The following CLCN1 variants were observed in gnomAD, a reference collection of about 807,000 sequenced individuals.
The protein encoded by CLCN1 is chloride channel protein 1.
In CLCN1, 100 loss-of-function variants were observed where a neutral mutation model predicts 114.5. The ratio of observed to expected loss-of-function variants is 0.87; its 90% CI spans 0.74 to 1.03. The LOEUF (loss-of-function observed/expected upper bound fraction) is 1.03, where lower values mean the gene tolerates loss of function less well. CLCN1 is among the 50% of genes least tolerant of loss of function. The pLI is 0.00. For missense variants in CLCN1, 1,188 were observed against 1,250.0 expected, an observed-to-expected ratio of 0.95 and a Z score of 0.75; for synonymous variants, 485 against 487.1, an observed-to-expected ratio of 1.00 and a Z score of 0.06.
chr7:143,346,862 C>T (rs747769225), intron 19 of CLCN1, 49 bp from the exon 20 acceptor site: 1 of 1,573,244 alleles, frequency 6.4e-7, no homozygotes, highest in East Asian at 2.2e-5. Context: ...GCCATAGCTA[C>T]CATGGGAAGA....
intron 3 of CLCN1, 101 bp downstream of exon 3, chr7:143,320,896 TG>T (rs1384939283): frequency 7.1e-6 from 10 of 1,416,990 alleles, no homozygotes; most frequent in Non-Finnish European, 1.0e-5. Flanking sequence ...GGGTGTGTTA[TG>T]GGAAGCGAAT....
intron 16 of CLCN1, 37 bp downstream of exon 16, chr7:143,342,542 G>C (rs1173006252): frequency 6.2e-7 from 1 of 1,612,208 alleles, no homozygotes; most frequent in Non-Finnish European, 8.5e-7. Flanking sequence ...CAGAGCTAGT[G>C]ACCTGAATAA....
At chr7:143,335,685 A>C (rs1191377414) in intron 12 of CLCN1, among the ~76,000 whole-genome samples, 1 of 106,506 alleles carries the variant, frequency 9.4e-6, no homozygotes, top group Non-Finnish European at 1.8e-5. Context: ...TTTGATTCGG[A>C]ATCTCACTCT....
rs202217274 is a variant in CLCN1 at position 143,339,224 on chromosome 7, G to A, written c.1402-29G>A. Reference sequence around the variant, plus strand: ...GCATGTCTATTGGGCAGAGTTGAAAGGGTATTCCAACGCTTCTTTCTACTC... The same window carrying A: ...GCATGTCTATTGGGCAGAGTTGAAAAGGTATTCCAACGCTTCTTTCTACTC... On this transcript the variant is annotated intron_variant, in intron 12 of 22. Transcript: ENST00000343257. This position sits in a 1 kb window ranked among gnomAD's most constrained non-coding sequence, Gnocchi z 4.1. The A allele has an allele frequency of 6.9e-7, 1 of 1,444,934 alleles. No homozygotes were observed. Among genetic ancestry groups the A allele is most frequent in the Non-Finnish European group, 9.7e-7 (1 of 1,026,300 alleles). 89.5% of individuals were successfully genotyped at this position (1,444,934 alleles called of 1,614,324 possible). A position where few individuals can be genotyped will look rare whatever the true frequency, so the allele number is the denominator to read the frequency against.
chr7:143,334,090 G>A (rs559449403), intron 12 of CLCN1, among the ~76,000 whole-genome samples: 9 of 152,268 alleles, frequency 5.9e-5, no homozygotes, highest in African/African-American at 1.9e-4. Flanking sequence ...GCACATGCCT[G>A]TAATCCCAGT....
At chr7:143,320,887 G>T (rs1398210562) in intron 3 of CLCN1, 92 bp downstream of exon 3, 15 of 1,459,786 alleles carry the variant, frequency 1.0e-5, no homozygotes, top group South Asian at 2.3e-5. Context: ...TGTTAAGCAG[G>T]GTGTGTTATG....
intron 6 of CLCN1, chr7:143,323,997 CTG>C (rs1253067070): frequency 4.0e-5 from 16 of 399,562 alleles, no homozygotes; most frequent in Admixed American, 2.7e-4. Flanking sequence ...CAGGGAATGA[CTG>C]TGGATCACAG....
In CLCN1 at chr7:143,350,663, G is replaced by A. The variant is rs765955881; in HGVS notation, c.2595+9G>A. ...TCCTGGCCCTGGAGGAGGTAATCACGATGTGTCCCATTTGAGCAGCAGGAG... is the reference window on the plus strand; with the variant it reads ...TCCTGGCCCTGGAGGAGGTAATCACAATGTGTCCCATTTGAGCAGCAGGAG... On this transcript the variant is annotated intron_variant, in intron 22 of 22. Transcript: ENST00000343257. The surrounding 1 kb of genome is among the most constrained non-coding windows in gnomAD (Gnocchi z 5.1). 2.5e-6 allele frequency: 4 copies of A among 1,609,544 alleles called. No individual in the cohort carries two copies. Among genetic ancestry groups the A allele is most frequent in the South Asian group, 1.1e-5 (1 of 90,970 alleles).
At chr7:143,331,881 T>G (rs1006103155) in intron 10 of CLCN1, among the ~76,000 whole-genome samples, 1 of 152,200 alleles carries the variant, frequency 6.6e-6, no homozygotes, top group East Asian at 1.9e-4. Context: ...CAGGCTGGAG[T>G]GCAGTGGTGC....
chr7:143,325,374 T>A (rs2116844137), intron 7 of CLCN1, among the ~76,000 whole-genome samples: 1 of 152,340 alleles, frequency 6.6e-6, no homozygotes, highest in Non-Finnish European at 1.5e-5. Context: ...CTAAAATGAC[T>A]TGGTGCAGGA....
chr7:143,321,768 T>C lies in CLCN1; in HGVS notation c.616T>C (p.Tyr206His), dbSNP rs963470037. The C allele has an allele frequency of 4.3e-6, 7 of 1,614,078 alleles. No homozygotes were observed. In the African/African-American group the frequency reaches 9.3e-5, roughly 22 times the overall value. ...ACTTCGTGGGGTTGTCCTGAAGGAA[T>C]ACCTCACAATGAAAGCCTTTGTGGC... ...TILRGVVLKE[Y>H]LTMKAFVAKV... Residue 206 changes from tyrosine (Y) to histidine (H), a missense_variant, in exon 5 of 23, where the codon TAC becomes CAC. Coordinates refer to ENST00000343257, the MANE Select transcript of CLCN1 (RefSeq NM_000083.3). The surrounding 1 kb of genome is among the most constrained non-coding windows in gnomAD (Gnocchi z 4.2).
intron 20 of CLCN1, among the ~76,000 whole-genome samples, chr7:143,347,413 G>A (rs1026285593): frequency 2.6e-5 from 4 of 152,058 alleles, no homozygotes; most frequent in African/African-American, 7.2e-5. Flanking sequence ...CTGAGGTCAG[G>A]AGTTTGAGAC....
chr7:143,332,683 T>C (rs774552618), intron 11 of CLCN1, 41 bp from the exon 12 acceptor site: 3 of 1,612,226 alleles, frequency 1.9e-6, no homozygotes, highest in Admixed American at 1.7e-5. Context: ...AGCACAGGAG[T>C]TCCCTGGAGA....
intron 20 of CLCN1, among the ~76,000 whole-genome samples, chr7:143,349,650 A>G (rs543858441): frequency 1.3e-5 from 2 of 152,342 alleles, no homozygotes; most frequent in East Asian, 3.9e-4. Context: ...GGCTTTGCTC[A>G]AGTCAGCTAA....
chr7:143,330,722 G>T, intron 7 of CLCN1, 50 bp from the exon 8 acceptor site: 1 of 1,612,684 alleles, frequency 6.2e-7, no homozygotes, highest in South Asian at 1.1e-5. Context: ...GAGTGTGGGG[G>T]AGCACTTTCA....
chr7:143,345,419 C>T, intron 16 of CLCN1, 102 bp from the exon 17 acceptor site: 1 of 1,381,962 alleles, frequency 7.2e-7, no homozygotes. Context: ...GTGGGGACGC[C>T]GGGCAGGGTG....
Position 143,341,944 on chromosome 7 carries a change from C to G in CLCN1, c.1598C>G (p.Thr533Ser), listed in dbSNP as rs1316380335. The change falls in exon 15 of 23, where the codon ACT (threonine) becomes AGT (serine). Residue 533 changes from threonine to serine, a missense_variant. Thr to Ser is a moderately conservative substitution (Grantham distance 58). Coordinates refer to ENST00000343257, the MANE Select transcript of CLCN1 (RefSeq NM_000083.3). Reference protein sequence around the residue: ...GYAVIGAAALTGAVSHTVSTA... With the variant: ...GYAVIGAAALSGAVSHTVSTA... Reference sequence around the variant, plus strand: ...GTCATTCTAGGAGCAGCAGCGCTGACTGGTGCCGTTTCCCACACAGTCTCC... The same window carrying G: ...GTCATTCTAGGAGCAGCAGCGCTGAGTGGTGCCGTTTCCCACACAGTCTCC... 1.2e-5 allele frequency: 19 copies of G among 1,613,526 alleles called. No homozygotes were observed. The highest frequency in any genetic ancestry group is 1.7e-5 in the Admixed American group (1 of 60,000).
chr7:143,323,291 T>A lies in CLCN1; in HGVS notation c.697-18T>A. On this transcript the variant is annotated intron_variant, in intron 5 of 22. Coordinates refer to ENST00000343257, the MANE Select transcript of CLCN1 (RefSeq NM_000083.3). The stretch of plus-strand genomic sequence containing the variant: ...CATCTGGCCTCTGACCCCCGCCCCC[T>A]CGCTCCCCCTCTCCCAGGGCCCCTT... 1.4e-6 allele frequency: 2 copies of A among 1,462,850 alleles called. No homozygotes were observed. Among genetic ancestry groups the A allele is most frequent in the Non-Finnish European group, 1.9e-6 (2 of 1,043,168 alleles). The allele number at this position is 1,462,850 out of a possible 1,614,324, so 90.6% of individuals were successfully genotyped here.
Position 143,342,116 on chromosome 7 carries a change from G to A in CLCN1, c.1770G>A (p.Leu590=). ...TCCAGGTCAAGAAGCTACCCTACTT[G>A]CCTGACCTTGGCTGGAACCAGCTCA... ...SIIQVKKLPY[L]PDLGWNQLSK... Residue 590 remains leucine (L), a synonymous_variant, in exon 15 of 23, where the codon TTG becomes TTA. Transcript: ENST00000343257. 1.2e-6 allele frequency: 2 copies of A among 1,614,166 alleles called. No individual in the cohort carries two copies. Among genetic ancestry groups the A allele is most frequent in the South Asian group, 2.2e-5 (2 of 91,086 alleles).
Sources: gnomAD v4.1 joint callset for allele counts (sites outside exome capture counted in the v4.1 genomes callset) on GRCh38, gnomAD v4.1.1 for gene constraint, Gnocchi (gnomAD v3.1) non-coding constraint, MANE v1.5 for transcripts, NCBI Gene and HGNC (gene_info 2026-07-23, HGNC 2026-07-21) for gene names.